Variants in SLITRK2 observed in about 807,000 individuals in gnomAD.
The protein encoded by SLITRK2 is SLIT and NTRK-like protein 2.
Under a neutral mutation model 35.4 loss-of-function variants are expected in SLITRK2, and 13 were observed. The observed-to-expected ratio is 0.37, with a 90% confidence interval of 0.24 to 0.58. The LOEUF (loss-of-function observed/expected upper bound fraction) is 0.58. Ranked by LOEUF, SLITRK2 falls within the 20% of genes least tolerant of loss-of-function variation. The pLI, the probability that SLITRK2 is intolerant of heterozygous loss-of-function variation, is 0.75. For synonymous variants in SLITRK2, 294 were observed against 264.7 expected, an observed-to-expected ratio of 1.11 and a Z score of -1.07; for missense variants, 471 against 634.3, an observed-to-expected ratio of 0.74 and a Z score of 2.76.
In SLITRK2 at chrX:145,826,027, G is replaced by A. The variant is rs1253005547; in HGVS notation, c.*1064G>A. On this transcript the variant is annotated 3_prime_UTR_variant, in exon 5 of 5. Transcript: ENST00000335565. ...AGTCTGTATTTCTAACTTTTTAATT[G>A]AAATTAATATTTTTTCTGCCTATTG... 9.0e-6 allele frequency: 1 copy of A among 111,068 alleles called. No homozygotes were observed. Among genetic ancestry groups the A allele is most frequent in the African/African-American group, 3.3e-5 (1 of 30,534 alleles). 9.2% of individuals were successfully genotyped at this position (111,068 alleles called of 1,213,427 possible).
chrX:145,821,287 C>G (rs1429242271), intron 2 of SLITRK2, 61 bp from the exon 3 acceptor site: 1 of 109,032 alleles, frequency 9.2e-6, no homozygotes, highest in African/African-American at 3.4e-5. Context: ...AGGTGCCAGG[C>G]CATTAGCAGG....
At position 145,828,365 on chromosome X, in the gene SLITRK2, A is replaced by G. The variant is rs2073144916; in HGVS notation, c.*3402A>G. The G allele has an allele frequency of 6.1e-6, 1 of 164,750 alleles. No individual in the cohort carries two copies. Among genetic ancestry groups the G allele is most frequent in the Admixed American group, 8.0e-5 (1 of 12,539 alleles). The allele number at this position is 164,750 out of a possible 1,213,427, so 13.6% of individuals were successfully genotyped here. ...AGGTTCTGTGATTTTTCAGACTCTGAAAATTCATTTTGATTCTACATATTC... is the reference window on the plus strand; with the variant it reads ...AGGTTCTGTGATTTTTCAGACTCTGGAAATTCATTTTGATTCTACATATTC... On this transcript the variant is annotated 3_prime_UTR_variant, in exon 5 of 5. Coordinates refer to ENST00000335565, the MANE Select transcript of SLITRK2 (RefSeq NM_032539.5).
Position 145,823,736 on chromosome X carries a change from G to A in SLITRK2, c.1311G>A (p.Val437=), listed in dbSNP as rs2073067718. 1 of 1,211,692 alleles carries A rather than the reference G, an allele frequency of 8.3e-7. No individual in the cohort carries two copies. The highest frequency in any genetic ancestry group is 1.1e-6 in the Non-Finnish European group (1 of 895,410). ...ATCTGAATGGCAATTACCTTGAAGT[G>A]CTGTACCCTTCTATGTTTGATGGAC... ...RLYLNGNYLE[V]LYPSMFDGLQ... The change falls in exon 5 of 5, where the codon GTG becomes GTA. Residue 437 remains valine (V), a synonymous_variant. Transcript: ENST00000335565.
rs782653281 is a variant in SLITRK2, at chrX:145,827,912, A to ATTT, written c.*2949_*2950insTTT. ...TCACTTTTATTTCACATGCAGCTTT[A>ATTT]AGACGTATGAGCATCAGCACAGCAA... On this transcript the variant is annotated 3_prime_UTR_variant, in exon 5 of 5. Transcript: ENST00000335565. The ATTT allele has an allele frequency of 3.3e-6, 4 of 1,210,030 alleles. No individual in the cohort carries two copies. The highest frequency in any genetic ancestry group is 3.5e-5 in the African/African-American group (2 of 57,287).
At chrX:145,820,162 G>A (rs2072974217) in intron 1 of SLITRK2, 1 of 111,884 alleles carries the variant, frequency 8.9e-6, no homozygotes, top group South Asian at 3.8e-4. Context: ...TGTTTTGTGG[G>A]ACAGGCACAT....
In SLITRK2 at chrX:145,822,492, A is replaced by C; in HGVS notation, c.67A>C (p.Lys23Gln). The change falls in exon 5 of 5, where the codon AAA becomes CAA. Residue 23 changes from lysine (K) to glutamine (Q), a missense_variant. Coordinates refer to ENST00000335565, the MANE Select transcript of SLITRK2 (RefSeq NM_032539.5). ...CGGGATCTTACAGACAGAGAGTCGC[A>C]AAACTGCCAAAGACATTTGCAAGAT... ...VAGILQTESR[K>Q]TAKDICKIRC... 9.9e-6 allele frequency: 12 copies of C among 1,211,230 alleles called. No individual in the cohort carries two copies. The highest frequency in any genetic ancestry group is 1.2e-5 in the Non-Finnish European group (11 of 895,151).
At position 145,821,729 on chromosome X, in the gene SLITRK2, A is replaced by G. The variant is rs1490609581; in HGVS notation, c.-348A>G. The G allele has an allele frequency of 9.0e-6, 1 of 111,010 alleles. No individual in the cohort carries two copies. Among genetic ancestry groups the G allele is most frequent in the African/African-American group, 3.3e-5 (1 of 30,433 alleles). The allele number at this position is 111,010 out of a possible 1,213,427, so 9.1% of individuals were successfully genotyped here. A position where few individuals can be genotyped will look rare whatever the true frequency, so the allele number is the denominator to read the frequency against. ...CGCTCCTGCCTCCTGTCGGATTTTT[A>G]ATTTCTGCGCACCCCCAGTCAAATT... On this transcript the variant is annotated 5_prime_UTR_variant, in exon 3 of 5. Transcript: ENST00000335565.
At position 145,825,591 on chromosome X, in the gene SLITRK2, G is replaced by A. The variant is rs1280671040; in HGVS notation, c.*628G>A. On this transcript the variant is annotated 3_prime_UTR_variant, in exon 5 of 5. Coordinates refer to ENST00000335565, the MANE Select transcript of SLITRK2 (RefSeq NM_032539.5). ...TTTAATGTGTTGTATTTTTGAAATT[G>A]AAAACACTGTAAAATAGATTGATGT... 8.1e-6 allele frequency: 1 copy of A among 123,450 alleles called. No homozygotes were observed. Among genetic ancestry groups the A allele is most frequent in the Non-Finnish European group, 1.9e-5 (1 of 53,237 alleles). The allele number at this position is 123,450 out of a possible 1,213,427, so 10.2% of individuals were successfully genotyped here.
In SLITRK2 at chrX:145,827,788, A is replaced by G; in HGVS notation, c.*2825A>G. On this transcript the variant is annotated 3_prime_UTR_variant, in exon 5 of 5. Coordinates refer to ENST00000335565, the MANE Select transcript of SLITRK2 (RefSeq NM_032539.5). ...GTTTTATTAACTCACTAGCATCCCC[A>G]CTGACTATATTCTGTTTTGCTTTAT... 8.3e-7 allele frequency: 1 copy of G among 1,210,161 alleles called. No homozygotes were observed.
rs781982826 is a variant in SLITRK2 at position 145,822,438 on chromosome X, G to C, written c.13G>C (p.Val5Leu). 5.8e-6 allele frequency: 7 copies of C among 1,204,755 alleles called. No homozygotes were observed. Among genetic ancestry groups the C allele is most frequent in the Non-Finnish European group, 7.8e-6 (7 of 893,030 alleles). ...AAGGTGCCTAAAGATGCTGAGCGGCGTTTGGTTCCTCAGTGTGTTAACCGT... is the reference window on the plus strand; with the variant it reads ...AAGGTGCCTAAAGATGCTGAGCGGCCTTTGGTTCCTCAGTGTGTTAACCGT... MLSG[V>L]WFLSVLTVAG... Residue 5 changes from valine to leucine, a missense_variant, in exon 5 of 5, where the codon GTT (valine) becomes CTT (leucine). By Grantham distance (32) the Val-to-Leu change is conservative. Transcript: ENST00000335565.
Position 145,826,527 on chromosome X carries a change from T to C in SLITRK2, c.*1564T>C, listed in dbSNP as rs1327883352. 8.9e-6 allele frequency: 1 copy of C among 112,228 alleles called. No individual in the cohort carries two copies. The highest frequency in any genetic ancestry group is 3.2e-5 in the African/African-American group (1 of 30,929). 9.2% of individuals were successfully genotyped at this position (112,228 alleles called of 1,213,427 possible). A position where few individuals can be genotyped will look rare whatever the true frequency, so the allele number is the denominator to read the frequency against. On this transcript the variant is annotated 3_prime_UTR_variant, in exon 5 of 5. Coordinates refer to ENST00000335565, the MANE Select transcript of SLITRK2 (RefSeq NM_032539.5). ...AGTCTATATAACATTTATGAAGCCT[T>C]ATTAGACTGTAAATAATTTTAGATG...
chrX:145,822,004 G>T lies in SLITRK2; in HGVS notation c.-192-1G>T. On this transcript the variant is annotated splice_acceptor_variant, in intron 3 of 4. Coordinates refer to ENST00000335565, the MANE Select transcript of SLITRK2 (RefSeq NM_032539.5). LOFTEE classifies it low-confidence loss of function (5UTR_SPLICE). ...TTGCGCTTTTTTTTTTTTTCCTAAA[G>T]CGATTGCGATTTCTGCTGGGAGCTC... 1 of 113,455 alleles carries T rather than the reference G, an allele frequency of 8.8e-6. No individual in the cohort carries two copies. The highest frequency in any genetic ancestry group is 1.8e-5 in the Non-Finnish European group (1 of 57,094). 9.3% of individuals were successfully genotyped at this position (113,455 alleles called of 1,213,427 possible). A position where few individuals can be genotyped will look rare whatever the true frequency, so the allele number is the denominator to read the frequency against.
At position 145,828,082 on chromosome X, in the gene SLITRK2, C is replaced by T; in HGVS notation, c.*3119C>T. 1 of 963,912 alleles carries T rather than the reference C, an allele frequency of 1.0e-6. No individual in the cohort carries two copies. The highest frequency in any genetic ancestry group is 3.3e-5 in the East Asian group (1 of 30,477). 79.4% of individuals were successfully genotyped at this position (963,912 alleles called of 1,213,427 possible). ...TCACTATTTCCGAATATACCTGTGG[C>T]TAAGTTTTTATTGAAACACTCAAAA... On this transcript the variant is annotated 3_prime_UTR_variant, in exon 5 of 5. Transcript: ENST00000335565.
rs1475457414 is a variant in SLITRK2, at chrX:145,827,482, G to GA, written c.*2525dup. On this transcript the variant is annotated 3_prime_UTR_variant, in exon 5 of 5. Transcript: ENST00000335565. ...CTCCTGTAAAATGCCATTGTCCATA[G>GA]AAAAAATATTAACTCATTAAGTTTA... 3 of 329,484 alleles carry GA rather than the reference G, an allele frequency of 9.1e-6. No homozygotes were observed. Among genetic ancestry groups the GA allele is most frequent in the Middle Eastern group, 8.8e-4 (1 of 1,134 alleles). 27.2% of individuals were successfully genotyped at this position (329,484 alleles called of 1,213,427 possible). A position where few individuals can be genotyped will look rare whatever the true frequency, so the allele number is the denominator to read the frequency against.
In SLITRK2 at chrX:145,826,918, G is replaced by A. The variant is rs1309189453; in HGVS notation, c.*1955G>A. On this transcript the variant is annotated 3_prime_UTR_variant, in exon 5 of 5. Coordinates refer to ENST00000335565, the MANE Select transcript of SLITRK2 (RefSeq NM_032539.5). ...ATTATTTGGATTAATGATTACTGGTGTAAAATAGTTGTTTGTAAAAACAAT... is the reference window on the plus strand; with the variant it reads ...ATTATTTGGATTAATGATTACTGGTATAAAATAGTTGTTTGTAAAAACAAT... The A allele has an allele frequency of 3.6e-5, 4 of 112,054 alleles. No homozygotes were observed. The highest frequency in any genetic ancestry group is 1.3e-4 in the African/African-American group (4 of 30,881). 9.2% of individuals were successfully genotyped at this position (112,054 alleles called of 1,213,427 possible).
Position 145,823,761 on chromosome X carries a change from C to T in SLITRK2, c.1336C>T (p.Leu446=), listed in dbSNP as rs2073068192. 1 of 1,209,844 alleles carries T rather than the reference C, an allele frequency of 8.3e-7. No individual in the cohort carries two copies. Among genetic ancestry groups the T allele is most frequent in the South Asian group, 1.8e-5 (1 of 56,781 alleles). Reference sequence around the variant, plus strand: ...GCTGTACCCTTCTATGTTTGATGGACTGCAGAGCTTGCAATATCTCTATTT... The same window carrying T: ...GCTGTACCCTTCTATGTTTGATGGATTGCAGAGCTTGCAATATCTCTATTT... ...EVLYPSMFDG[L]QSLQYLYLEY... The change falls in exon 5 of 5, where the codon CTG becomes TTG. Residue 446 remains leucine, a synonymous_variant. Coordinates refer to ENST00000335565, the MANE Select transcript of SLITRK2 (RefSeq NM_032539.5).
In SLITRK2 at chrX:145,825,749, T is replaced by C. The variant is rs913298461; in HGVS notation, c.*786T>C. On this transcript the variant is annotated 3_prime_UTR_variant, in exon 5 of 5. Transcript: ENST00000335565. ...TTTCCTCTGGGTTTAAGTGATTTTA[T>C]TTAAGTCAACTAAGGGGATTTAACA... The C allele has an allele frequency of 2.4e-4, 30 of 123,095 alleles. No homozygotes were observed. Among genetic ancestry groups the C allele is most frequent in the African/African-American group, 9.4e-4 (29 of 30,840 alleles). 10.1% of individuals were successfully genotyped at this position (123,095 alleles called of 1,213,427 possible).
In SLITRK2 at chrX:145,828,884, C is replaced by T. The variant is rs782237535; in HGVS notation, c.*3921C>T. The T allele has an allele frequency of 8.1e-6, 1 of 122,972 alleles. No homozygotes were observed. The highest frequency in any genetic ancestry group is 1.9e-5 in the Non-Finnish European group (1 of 53,173). 10.1% of individuals were successfully genotyped at this position (122,972 alleles called of 1,213,427 possible). A position where few individuals can be genotyped will look rare whatever the true frequency, so the allele number is the denominator to read the frequency against. ...AGATATAATAAAACATTTGTTTTTG[C>T]AAAATAAGGCCCAATGTTATGGCCT... On this transcript the variant is annotated 3_prime_UTR_variant, in exon 5 of 5. Transcript: ENST00000335565.
rs1556944318 is a variant in SLITRK2 at position 145,823,368 on chromosome X, G to C, written c.943G>C (p.Val315Leu). 8.3e-7 allele frequency: 1 copy of C among 1,211,792 alleles called. No individual in the cohort carries two copies. The highest frequency in any genetic ancestry group is 1.1e-6 in the Non-Finnish European group (1 of 895,480). ...PKMRNRPTPR[V>L]TVSKDRQSFG... ...AATGAGAAATCGTCCAACTCCTCGA[G>C]TGACTGTGTCAAAGGACAGGCAAAG... The change falls in exon 5 of 5, where the codon GTG (valine) becomes CTG (leucine). Residue 315 changes from valine to leucine, a missense_variant. Val to Leu is a conservative substitution (Grantham distance 32). This residue lies in a region of SLITRK2 where 56 missense variants were observed against 48.7 expected (regional missense o/e 1.15). Transcript: ENST00000335565.
Sources: allele counts gnomAD v4.1 joint callset, GRCh38; gene constraint gnomAD v4.1.1; regional missense constraint gnomAD v4.1.1; transcripts MANE v1.5; gene names NCBI Gene and HGNC (gene_info 2026-07-23, HGNC 2026-07-21).